DMWD: variants seen among roughly 807,000 people sequenced by gnomAD.
The protein encoded by DMWD is DM1 locus, WD repeat containing, also known as dystrophia myotonica WD repeat-containing protein.
Under a neutral mutation model 45.8 loss-of-function variants are expected in DMWD, and 19 were observed. That is an observed-to-expected ratio of 0.41 (90% CI 0.29 to 0.61). The LOEUF is 0.61. Among genes scored for constraint, DMWD ranks in the 20% least tolerant of loss-of-function variants. The probability of loss-of-function intolerance (pLI) is 0.25; values close to 1 mark genes in which losing one functional copy is unlikely to be tolerated. For missense variants in DMWD, 802 were observed against 965.2 expected (o/e 0.83, Z 2.24); for synonymous variants, 515 against 440.5 (o/e 1.17, Z -2.12).
intron 2 of DMWD, chr19:45,787,213 C>A: frequency 2.8e-6 from 1 of 356,088 alleles, no homozygotes; most frequent in Admixed American, 4.5e-5. Context: ...AGTAGTGGTC[C>A]GTGGCCTGTT....
rs368991379 is a variant in DMWD at position 45,784,424 on chromosome 19, C to G, written c.1978-134G>C. ...GCCTTGCCCTTGGGTCCGCCCTAGACCCCCCAGAGGCCACTGCTCTAGGCT... is the reference window on the plus strand; with the variant it reads ...GCCTTGCCCTTGGGTCCGCCCTAGAGCCCCCAGAGGCCACTGCTCTAGGCT... On this transcript the variant is annotated intron_variant, in intron 4 of 4. Coordinates refer to ENST00000270223, the MANE Select transcript of DMWD (RefSeq NM_004943.2). 87 of 1,232,390 alleles carry G rather than the reference C, an allele frequency of 7.1e-5. 1 individual carries two copies. The East Asian group carries it at 8.3e-4, about 12-fold the overall frequency. The allele number at this position is 1,232,390 out of a possible 1,614,324, so 76.3% of individuals were successfully genotyped here. A position where few individuals can be genotyped will look rare whatever the true frequency, so the allele number is the denominator to read the frequency against.
chr19:45,785,585 G>A lies in DMWD; in HGVS notation c.1902+9C>T. ...CAGGTCCCCGGCAGGCTGGTGTGGG[G>A]CCACTCACCGCCTTGCCCGGCCGGG... is the stretch of plus-strand genomic sequence containing the variant. On this transcript the variant is annotated intron_variant, in intron 3 of 4. Transcript: ENST00000270223. 2 of 1,470,830 alleles carry A rather than the reference G, an allele frequency of 1.4e-6. No homozygotes were observed. The highest frequency in any genetic ancestry group is 5.0e-5 in the East Asian group (2 of 39,950). 91.1% of individuals were successfully genotyped at this position (1,470,830 alleles called of 1,614,324 possible).
At chr19:45,788,865 G>A (rs537098611) in intron 2 of DMWD, among the ~76,000 whole-genome samples, 429 of 151,752 alleles carry the variant, frequency 2.8e-3, no homozygotes, top group African/African-American at 9.7e-3. Flanking sequence ...GGAGGCGGAG[G>A]TTGCAGTGAA....
At chr19:45,790,796 G>T in intron 2 of DMWD, 109 bp downstream of exon 2, 1 of 1,278,518 alleles carries the variant, frequency 7.8e-7, no homozygotes, top group Non-Finnish European at 1.1e-6. Flanking sequence ...TCTCTCCCTG[G>T]TCCTGCCCCT....
Position 45,792,827 on chromosome 19 carries a change from G to T in DMWD, c.-71C>A. The T allele has an allele frequency of 9.4e-7, 1 of 1,063,320 alleles. No homozygotes were observed. Among genetic ancestry groups the T allele is most frequent in the Non-Finnish European group, 1.1e-6 (1 of 881,208 alleles). The allele number at this position is 1,063,320 out of a possible 1,614,324, so 65.9% of individuals were successfully genotyped here. ...GCCGGGCCCCCTCCCGGAAGCCGCT[G>T]GCCCGCGCCGGAAAAGGTGGGGTCG... On this transcript the variant is annotated 5_prime_UTR_variant, in exon 1 of 5. Coordinates refer to ENST00000270223, the MANE Select transcript of DMWD (RefSeq NM_004943.2).
rs774827119 is a variant in DMWD at position 45,792,458 on chromosome 19, C to T, written c.299G>A (p.Arg100His). 2.0e-6 allele frequency: 3 copies of T among 1,471,262 alleles called. No individual in the cohort carries two copies. Among genetic ancestry groups the T allele is most frequent in the Non-Finnish European group, 2.7e-6 (3 of 1,108,402 alleles). 91.1% of individuals were successfully genotyped at this position (1,471,262 alleles called of 1,614,324 possible). Residue 100 changes from arginine to histidine, a missense_variant, in exon 1 of 5, where the codon CGC (arginine) becomes CAC (histidine). Coordinates refer to ENST00000270223, the MANE Select transcript of DMWD (RefSeq NM_004943.2). ...CCCGGCGCTGTCCGGCTCCCCGAGG[C>T]GCACGAGGCTGAGGCGCACGGCGGG... ...ALPAVRLSLVRLGEPDSAGAG... is the reference protein window; with the variant it reads ...ALPAVRLSLVHLGEPDSAGAG...
chr19:45,788,081 T>TA lies in DMWD; in HGVS notation c.625-1211dup, dbSNP rs540054521. Reference sequence around the variant, plus strand: ...GACAGAGCGAGACTCCACCTCAAAATAAAAAAAAAAGAAAAAATACACCCA... The same window carrying TA: ...GACAGAGCGAGACTCCACCTCAAAATAAAAAAAAAAAGAAAAAATACACCCA... On this transcript the variant is annotated intron_variant, in intron 2 of 4. Transcript: ENST00000270223. Among the ~76,000 whole-genome samples, 471 of 145,792 alleles carry TA rather than the reference T, an allele frequency of 3.2e-3. 4 individuals carry two copies. The highest frequency in any genetic ancestry group is 0.011 in the African/African-American group (441 of 39,736).
At chr19:45,784,429 C>G (rs759316267) in intron 4 of DMWD, 139 bp from the exon 5 acceptor site, 2 of 1,229,320 alleles carry the variant, frequency 1.6e-6, no homozygotes, top group Non-Finnish European at 1.1e-6. Context: ...CTAGACCCCC[C>G]AGAGGCCACT....
rs566252253 is a variant in DMWD at position 45,788,771 on chromosome 19, A to T, written c.625-1900T>A. On this transcript the variant is annotated intron_variant, in intron 2 of 4. Transcript: ENST00000270223. ...CAAAGAGACCCCGCCTCTACAAAAA[A>T]TACAAAAGTTAGCCAGTTGTGGTGG... Among the ~76,000 whole-genome samples the T allele has an allele frequency of 1.2e-4, 18 of 150,992 alleles. 1 individual carries two copies. Among genetic ancestry groups the T allele is most frequent in the African/African-American group, 4.3e-4 (18 of 41,404 alleles).
chr19:45,786,699 T>C lies in DMWD; in HGVS notation c.797A>G (p.Tyr266Cys), dbSNP rs745326417. 4.3e-6 allele frequency: 7 copies of C among 1,612,134 alleles called. No homozygotes were observed. Among genetic ancestry groups the C allele is most frequent in the Admixed American group, 1.7e-5 (1 of 59,970 alleles). ...GCGGGGTGCCTTGCTCTTGGCAGCA[T>C]AGACAGAGAAGCCCTCGCCCTGCTT... is the stretch of plus-strand genomic sequence containing the variant. Reference protein sequence around the residue: ...LLKQGEGFSVYAAKSKAPRNP... With the variant: ...LLKQGEGFSVCAAKSKAPRNP... Residue 266 changes from tyrosine to cysteine, a missense_variant, in exon 3 of 5, where the codon TAT (tyrosine) becomes TGT (cysteine). By Grantham distance (194) the Tyr-to-Cys change is radical. Coordinates refer to ENST00000270223, the MANE Select transcript of DMWD (RefSeq NM_004943.2).
In DMWD at chr19:45,784,145, G is replaced by A. The variant is rs548809581; in HGVS notation, c.*98C>T. 2.6e-4 allele frequency: 299 copies of A among 1,130,086 alleles called. 2 individuals are homozygous for A. Among genetic ancestry groups the A allele is most frequent in the Admixed American group, 1.4e-3 (77 of 56,292 alleles). The allele number at this position is 1,130,086 out of a possible 1,614,324, so 70.0% of individuals were successfully genotyped here. On this transcript the variant is annotated 3_prime_UTR_variant, in exon 5 of 5. Transcript: ENST00000270223. ...GGGACTGGAGCAGTCCATCCATCAT[G>A]GTTAGTCTTGTTAATACGTTGATCT...
rs75167736 is a variant in DMWD at position 45,784,394 on chromosome 19, C to T, written c.1978-104G>A. ...CCCAGAGTCCCCAAAGCTGCTGCCA[C>T]CCTGGCCTTGCCCTTGGGTCCGCCC... On this transcript the variant is annotated intron_variant, in intron 4 of 4. Transcript: ENST00000270223. 8.2e-6 allele frequency: 11 copies of T among 1,343,140 alleles called. No homozygotes were observed. The East Asian group carries it at 1.7e-4, about 21-fold the overall frequency. 83.2% of individuals were successfully genotyped at this position (1,343,140 alleles called of 1,614,324 possible). A position where few individuals can be genotyped will look rare whatever the true frequency, so the allele number is the denominator to read the frequency against.
At chr19:45,792,233 A>T in intron 1 of DMWD, 83 bp downstream of exon 1, 9 of 1,497,778 alleles carry the variant, frequency 6.0e-6, no homozygotes, top group Non-Finnish European at 8.0e-6. Flanking sequence ...TCAGGGCCCC[A>T]TATCAATTCG....
rs1970264181 is a variant in DMWD at position 45,785,834 on chromosome 19, A to ACTGCCACCC, written c.1653_1661dup (p.Arg551_Gly553dup). On this transcript the variant is annotated inframe_insertion, in exon 3 of 5. Coordinates refer to ENST00000270223, the MANE Select transcript of DMWD (RefSeq NM_004943.2). ...TCTCCCCACCACTGCCACTGCCGCC[A>ACTGCCACCC]CTGCCACCCCGGCTGATGTTGCCCA... 4 of 1,610,874 alleles carry ACTGCCACCC rather than the reference A, an allele frequency of 2.5e-6. No individual in the cohort carries two copies. The Admixed American group carries it at 5.0e-5, about 20-fold the overall frequency.
Position 45,785,851 on chromosome 19 carries a change from T to C in DMWD, c.1645A>G (p.Ile549Val), listed in dbSNP as rs1468358087. ...CTGCCGCCACTGCCACCCCGGCTGA[T>C]GTTGCCCAGGCTGTGGTAGCGCTTG... is the stretch of plus-strand genomic sequence containing the variant. ...EHKRYHSLGN[I>V]SRGGSGGSGS... The change falls in exon 3 of 5, where the codon ATC (isoleucine) becomes GTC (valine). Residue 549 changes from isoleucine (I) to valine (V), a missense_variant. By Grantham distance (29) the Ile-to-Val change is conservative. Coordinates refer to ENST00000270223, the MANE Select transcript of DMWD (RefSeq NM_004943.2). The C allele has an allele frequency of 1.2e-6, 2 of 1,609,634 alleles. No individual in the cohort carries two copies. Among genetic ancestry groups the C allele is most frequent in the Admixed American group, 1.7e-5 (1 of 60,016 alleles).
At position 45,792,511 on chromosome 19, in the gene DMWD, G is replaced by C; in HGVS notation, c.246C>G (p.Pro82=). Residue 82 remains proline, a synonymous_variant, in exon 1 of 5, where the codon CCC becomes CCG. Coordinates refer to ENST00000270223, the MANE Select transcript of DMWD (RefSeq NM_004943.2). Reference sequence around the variant, plus strand: ...GGGCGGGCCCGGGTCCGGGGCCTGCGGGCGGCGGGGACGACGCGGGGCCTG... The same window carrying C: ...GGGCGGGCCCGGGTCCGGGGCCTGCCGGCGGCGGGGACGACGCGGGGCCTG... ...GAAGPASSPP[P]AGPGPGPALP... The C allele has an allele frequency of 1.7e-6, 2 of 1,144,904 alleles. No individual in the cohort carries two copies. Among genetic ancestry groups the C allele is most frequent in the Admixed American group, 9.8e-5 (2 of 20,350 alleles). 70.9% of individuals were successfully genotyped at this position (1,144,904 alleles called of 1,614,324 possible).
Position 45,785,924 on chromosome 19 carries a change from G to A in DMWD, c.1572C>T (p.Ala524=). 1 of 1,601,782 alleles carries A rather than the reference G, an allele frequency of 6.2e-7. No homozygotes were observed. Among genetic ancestry groups the A allele is most frequent in the African/African-American group, 1.3e-5 (1 of 74,968 alleles). The change falls in exon 3 of 5, where the codon GCC becomes GCT. Residue 524 remains alanine (A), a synonymous_variant. Coordinates refer to ENST00000270223, the MANE Select transcript of DMWD (RefSeq NM_004943.2). ...CCCGCCGCTCCTGCAGTGTGAGCGTGGCGAAGCGGCCAATGCTGAATGGTG... is the reference window on the plus strand; with the variant it reads ...CCCGCCGCTCCTGCAGTGTGAGCGTAGCGAAGCGGCCAATGCTGAATGGTG... ...PGTPFSIGRF[A]TLTLQERRDR...
intron 2 of DMWD, 22 bp downstream of exon 2, chr19:45,790,883 G>C: frequency 6.3e-7 from 1 of 1,583,892 alleles, no homozygotes; most frequent in Non-Finnish European, 8.6e-7. Context: ...GAGAAGTTGG[G>C]GGCTCTGGGG....
In DMWD at chr19:45,784,224, G is replaced by C. The variant is rs1336373081; in HGVS notation, c.*19C>G. The C allele has an allele frequency of 6.4e-7, 1 of 1,562,668 alleles. No homozygotes were observed. Among genetic ancestry groups the C allele is most frequent in the South Asian group, 1.2e-5 (1 of 83,578 alleles). The stretch of plus-strand genomic sequence containing the variant: ...GGAGGCTGGGGGCATGGGGTTGGGG[G>C]GGCCCGATATCCATGGCTTCACACC... On this transcript the variant is annotated 3_prime_UTR_variant, in exon 5 of 5. Transcript: ENST00000270223.
Sources: allele counts gnomAD v4.1 joint callset (sites outside exome capture counted in the v4.1 genomes callset), GRCh38; gene constraint gnomAD v4.1.1; transcripts MANE v1.5; gene names NCBI Gene and HGNC (gene_info 2026-07-23, HGNC 2026-07-21).